PRTG: variants seen among roughly 807,000 people sequenced by gnomAD.
PRTG encodes immunoglobulin superfamily, DCC subclass, member 5.
PRTG carries 67 observed loss-of-function variants against 122.5 expected under a neutral mutation model. The ratio of observed to expected loss-of-function variants is 0.55; its 90% confidence interval spans 0.45 to 0.67. The LOEUF (loss-of-function observed/expected upper bound fraction) is 0.67, where lower values mean the gene tolerates loss of function less well. PRTG is among the 30% of genes least tolerant of loss of function. The pLI is 0.00. For synonymous variants in PRTG, 554 were observed against 501.1 expected, an observed-to-expected ratio of 1.11 and a Z score of -1.41; for missense variants, 1,435 against 1,415.4, an observed-to-expected ratio of 1.01 and a Z score of -0.22.
In PRTG at chr15:55,714,473, C is replaced by T. The variant is rs2030525147; in HGVS notation, c.397+25909G>A. On this transcript the variant is annotated intron_variant, in intron 2 of 19. Transcript: ENST00000389286. The stretch of plus-strand genomic sequence containing the variant: ...CTTAAACTCCTGGCCTCAAGGGATC[C>T]TTCTGCCTCAGCCTCCCTAAGTGTT... Among the ~76,000 whole-genome samples, 3 of 151,962 alleles carry T rather than the reference C, an allele frequency of 2.0e-5. No homozygotes were observed. In the South Asian group the frequency reaches 6.3e-4, roughly 32 times the overall value.
intron 2 of PRTG, among the ~76,000 whole-genome samples, chr15:55,725,593 CAAA>C (rs757960009): frequency 8.3e-6 from 1 of 119,910 alleles, no homozygotes. Context: ...GACCCTGTCT[CAAA>C]AAAAAAAAAA....
chr15:55,626,105 C>T (rs1328821179), intron 17 of PRTG, among the ~76,000 whole-genome samples: 3 of 152,110 alleles, frequency 2.0e-5, no homozygotes, highest in Admixed American at 6.6e-5. Context: ...CTTTCTGTTT[C>T]TCAAAATACT....
chr15:55,703,030 T>C, intron 2 of PRTG: 1 of 665,268 alleles, frequency 1.5e-6, no homozygotes, highest in South Asian at 6.8e-5. Context: ...CTTGAAATTA[T>C]TCAGAATTTG....
rs1457765109 is a variant in PRTG, at chr15:55,743,060, C to T, written c.-129G>A. The T allele has an allele frequency of 3.8e-6, 5 of 1,300,740 alleles. No homozygotes were observed. Among genetic ancestry groups the T allele is most frequent in the Non-Finnish European group, 4.9e-6 (5 of 1,029,340 alleles). The allele number at this position is 1,300,740 out of a possible 1,614,324, so 80.6% of individuals were successfully genotyped here. A position where few individuals can be genotyped will look rare whatever the true frequency, so the allele number is the denominator to read the frequency against. On this transcript the variant is annotated 5_prime_UTR_variant, in exon 1 of 20. Coordinates refer to ENST00000389286, the MANE Select transcript of PRTG (RefSeq NM_173814.6). The stretch of plus-strand genomic sequence containing the variant: ...TGGCTCCCCGCTCCGGCTCCGGCAC[C>T]GGCGTGGCGAGCGTCTCTGCGGCGG...
chr15:55,719,466 G>A (rs1175725563), intron 2 of PRTG, among the ~76,000 whole-genome samples: 3 of 152,136 alleles, frequency 2.0e-5, no homozygotes, highest in African/African-American at 7.2e-5. Flanking sequence ...GTCTATTAAT[G>A]ACTTCATATA....
At chr15:55,644,978 A>C (rs930747961) in intron 11 of PRTG, among the ~76,000 whole-genome samples, 11 of 152,156 alleles carry the variant, frequency 7.2e-5, no homozygotes, top group African/African-American at 2.7e-4. Flanking sequence ...GCAGCGGACA[A>C]TGTGGATTTA....
intron 2 of PRTG, among the ~76,000 whole-genome samples, chr15:55,721,998 C>T (rs991299922): frequency 2.0e-4 from 30 of 152,168 alleles, no homozygotes; most frequent in Admixed American, 9.8e-4. Context: ...CACAGCCAAA[C>T]CATACCACTC....
intron 7 of PRTG, 92 bp from the exon 8 acceptor site, chr15:55,678,136 T>C: frequency 1.3e-6 from 1 of 746,148 alleles, no homozygotes; most frequent in Non-Finnish European, 2.1e-6. Context: ...CTCATTTTAT[T>C]TTATTTTAAA....
At chr15:55,626,670 A>G (rs755831826) in intron 17 of PRTG, among the ~76,000 whole-genome samples, 14 of 151,644 alleles carry the variant, frequency 9.2e-5, no homozygotes, top group Non-Finnish European at 1.8e-4. Context: ...AGGCAGGAGA[A>G]TGGCATGAAC....
At chr15:55,742,700 G>T in intron 1 of PRTG, 138 bp downstream of exon 1, 2 of 1,029,950 alleles carry the variant, frequency 1.9e-6, no homozygotes, top group Non-Finnish European at 2.8e-6. Flanking sequence ...CAGGGCGAGA[G>T]CGGGGGCCGG....
At chr15:55,697,620 T>C (rs1456300009) in intron 2 of PRTG, among the ~76,000 whole-genome samples, 3 of 152,100 alleles carry the variant, frequency 2.0e-5, no homozygotes, top group African/African-American at 7.2e-5. Context: ...GCCTCCCAAG[T>C]AGCTGGGATT....
At chr15:55,722,798 G>T (rs1169847219) in intron 2 of PRTG, among the ~76,000 whole-genome samples, 1 of 151,990 alleles carries the variant, frequency 6.6e-6, no homozygotes, top group African/African-American at 2.4e-5. Flanking sequence ...CAAGGTCAGA[G>T]CAGCAAAGTT....
chr15:55,653,598 G>A (rs1203971093), intron 11 of PRTG, among the ~76,000 whole-genome samples: 8 of 151,956 alleles, frequency 5.3e-5, no homozygotes, highest in Admixed American at 2.0e-4. Flanking sequence ...TGAGTAGCTG[G>A]GATTACAGGT....
intron 2 of PRTG, among the ~76,000 whole-genome samples, chr15:55,709,004 G>T (rs1174981900): frequency 6.6e-6 from 1 of 151,708 alleles, no homozygotes; most frequent in African/African-American, 2.4e-5. Context: ...ACATTAGCTT[G>T]GTGTGGTGGT....
chr15:55,651,379 A>G (rs923294786), intron 11 of PRTG, among the ~76,000 whole-genome samples: 10 of 152,330 alleles, frequency 6.6e-5, no homozygotes, highest in African/African-American at 2.4e-4. Flanking sequence ...TAAGGAGAAC[A>G]CATTCAAGAA....
chr15:55,624,842 C>T (rs1213771883), intron 17 of PRTG, among the ~76,000 whole-genome samples: 1 of 152,166 alleles, frequency 6.6e-6, no homozygotes. Flanking sequence ...TAACAATTCA[C>T]TTTCCAATTA....
intron 11 of PRTG, among the ~76,000 whole-genome samples, chr15:55,671,639 C>T (rs2059472284): frequency 6.6e-6 from 1 of 152,104 alleles, no homozygotes; most frequent in Admixed American, 6.6e-5. Context: ...GCTAGGATTA[C>T]AGGAGCGTGC....
chr15:55,646,574 G>A (rs541427086), intron 11 of PRTG, among the ~76,000 whole-genome samples: 9 of 152,148 alleles, frequency 5.9e-5, no homozygotes, highest in South Asian at 2.1e-4. Context: ...CACCCGCCTC[G>A]TCCTCCCAAA....
At chr15:55,643,008 G>A (rs1225994880) in intron 11 of PRTG, among the ~76,000 whole-genome samples, 1 of 152,148 alleles carries the variant, frequency 6.6e-6, no homozygotes, top group Non-Finnish European at 1.5e-5. Flanking sequence ...AGGAGGTGGA[G>A]ACTGTGGTGA....
Sources: gnomAD v4.1 joint callset for allele counts (sites outside exome capture counted in the v4.1 genomes callset) on GRCh38, gnomAD v4.1.1 for gene constraint, MANE v1.5 for transcripts, NCBI Gene and HGNC (gene_info 2026-07-23, HGNC 2026-07-21) for gene names.